PCNX1: variants seen among roughly 807,000 people sequenced by gnomAD.
PCNX1 encodes the protein pecanex-like protein 1.
A neutral mutation model predicts 242.2 loss-of-function variants in PCNX1; 78 were observed. The observed-to-expected ratio is 0.32, with a 90% confidence interval of 0.27 to 0.39. PCNX1 has a LOEUF of 0.39. Among genes scored for constraint, PCNX1 ranks in the 10% least tolerant of loss-of-function variants. The pLI is 1.00. For synonymous variants in PCNX1, 1,024 were observed against 1,032.9 expected (o/e 0.99, Z 0.17); for missense variants, 2,581 against 2,856.5 (o/e 0.90, Z 2.20).
Position 70,978,970 on chromosome 14 carries a change from A to G in PCNX1, c.2311+322A>G, listed in dbSNP as rs190721060. 1.3e-3 allele frequency among the ~76,000 whole-genome samples: 204 copies of G among 152,296 alleles called. 1 individual carries two copies. Among genetic ancestry groups the G allele is most frequent in the Non-Finnish European group, 9.4e-4 (64 of 68,024 alleles). On this transcript the variant is annotated intron_variant, in intron 6 of 35. Coordinates refer to ENST00000304743, the MANE Select transcript of PCNX1 (RefSeq NM_014982.3). ...ATTAGCCCTCTTCCTTTGTATAGCAATAGCAACAATAAAATATATAATTAT... is the reference window on the plus strand; with the variant it reads ...ATTAGCCCTCTTCCTTTGTATAGCAGTAGCAACAATAAAATATATAATTAT...
intron 26 of PCNX1, among the ~76,000 whole-genome samples, chr14:71,061,507 C>T (rs1042754300): frequency 5.9e-5 from 9 of 152,166 alleles, no homozygotes; most frequent in Non-Finnish European, 7.3e-5. Context: ...CTGATCCAAC[C>T]AATGGATCAA....
At chr14:70,984,750 A>C (rs1267747312) in intron 6 of PCNX1, among the ~76,000 whole-genome samples, 2 of 151,982 alleles carry the variant, frequency 1.3e-5, no homozygotes, top group African/African-American at 2.4e-5. Context: ...AATTTTTGAG[A>C]TAGAATTTGG....
At position 71,013,015 on chromosome 14, in the gene PCNX1, C is replaced by G; in HGVS notation, c.2809C>G (p.Leu937Val). ...LSLPQIRLNR[L>V]LTIDTDLLEQ... is the part of the protein sequence containing the mutation. ...TCTCCCACAGATTCGATTGAATAGA[C>G]TATTGACCATTGATACAGATTTGTT... The change falls in exon 11 of 36, where the codon CTA (leucine) becomes GTA (valine). Residue 937 changes from leucine (L) to valine (V), a missense_variant. Leu to Val is a conservative substitution (Grantham distance 32). Coordinates refer to ENST00000304743, the MANE Select transcript of PCNX1 (RefSeq NM_014982.3). 1 of 1,613,878 alleles carries G rather than the reference C, an allele frequency of 6.2e-7. No individual in the cohort carries two copies. Among genetic ancestry groups the G allele is most frequent in the African/African-American group, 1.3e-5 (1 of 75,028 alleles).
At chr14:70,914,572 C>CT (rs1447169814) in intron 1 of PCNX1, among the ~76,000 whole-genome samples, 1 of 152,028 alleles carries the variant, frequency 6.6e-6, no homozygotes, top group East Asian at 1.9e-4. Context: ...AGGTAATTTG[C>CT]TTTCTCTAGC....
chr14:71,071,814 G>T (rs887763737), intron 26 of PCNX1, among the ~76,000 whole-genome samples: 1 of 152,170 alleles, frequency 6.6e-6, no homozygotes, highest in Non-Finnish European at 1.5e-5. Context: ...TTGATTTGAA[G>T]TGAGACATGC....
rs117014204 is a variant in PCNX1 at position 71,027,188 on chromosome 14, A to G, written c.3466+306A>G. On this transcript the variant is annotated intron_variant, in intron 15 of 35. Transcript: ENST00000304743. ...GCCTACATATACTTAAGAGGTATTC[A>G]TAAAAGATCATCTATCCTGAGTAGA... The G allele has an allele frequency of 9.6e-3, 2,015 of 209,438 alleles. 13 individuals carry two copies. The highest frequency in any genetic ancestry group is 0.012 in the Non-Finnish European group (1,312 of 105,018). 13.0% of individuals were successfully genotyped at this position (209,438 alleles called of 1,614,324 possible).
At chr14:71,000,466 G>A (rs1355706375) in intron 8 of PCNX1, among the ~76,000 whole-genome samples, 3 of 149,890 alleles carry the variant, frequency 2.0e-5, no homozygotes, top group Non-Finnish European at 3.0e-5. Context: ...TTTGAGTTTT[G>A]TATCTTGCTT....
At chr14:70,968,300 A>G (rs2058441452) in intron 4 of PCNX1, 57 bp downstream of exon 4, 4 of 1,195,952 alleles carry the variant, frequency 3.3e-6, no homozygotes, top group Non-Finnish European at 5.0e-6. Context: ...TTTGGTTGTA[A>G]TGAAGATAAC....
intron 11 of PCNX1, among the ~76,000 whole-genome samples, chr14:71,015,746 G>A (rs947479822): frequency 6.6e-6 from 1 of 152,112 alleles, no homozygotes; most frequent in Non-Finnish European, 1.5e-5. Context: ...AAAAATTACT[G>A]TTAATCAATA....
intron 26 of PCNX1, among the ~76,000 whole-genome samples, chr14:71,060,126 A>G (rs959220080): frequency 2.6e-5 from 4 of 152,216 alleles, no homozygotes; most frequent in African/African-American, 9.6e-5. Context: ...GACTGCACAT[A>G]TCACAATGGT....
intron 1 of PCNX1, among the ~76,000 whole-genome samples, chr14:70,926,616 G>C (rs543088903): frequency 1.4e-4 from 21 of 152,108 alleles, no homozygotes; most frequent in African/African-American, 4.8e-4. Context: ...ACATGACAGC[G>C]CCCCACACCA....
At position 71,112,858 on chromosome 14, in the gene PCNX1, C is replaced by G. The variant is rs1434031509; in HGVS notation, c.*2923C>G. 2 of 152,092 alleles carry G rather than the reference C, an allele frequency of 1.3e-5. No individual in the cohort carries two copies. Among genetic ancestry groups the G allele is most frequent in the Non-Finnish European group, 2.9e-5 (2 of 67,990 alleles). The allele number at this position is 152,092 out of a possible 1,614,324, so 9.4% of individuals were successfully genotyped here. On this transcript the variant is annotated 3_prime_UTR_variant, in exon 36 of 36. Transcript: ENST00000304743. ...GCTTTTTCTTGTTTAATTCTTCCGC[C>G]ACCCCCTCTTTTGAGAGAAAGGTAA...
chr14:71,013,025 T>G lies in PCNX1; in HGVS notation c.2819T>G (p.Ile940Ser). 1.9e-6 allele frequency: 3 copies of G among 1,614,148 alleles called. No individual in the cohort carries two copies. Among genetic ancestry groups the G allele is most frequent in the Non-Finnish European group, 2.5e-6 (3 of 1,179,982 alleles). ...ATTCGATTGAATAGACTATTGACCA[T>G]TGATACAGATTTGTTGGAGCAACAG... ...PQIRLNRLLTIDTDLLEQQDI... is the reference protein window; with the variant it reads ...PQIRLNRLLTSDTDLLEQQDI... The change falls in exon 11 of 36, where the codon ATT (isoleucine) becomes AGT (serine). Residue 940 changes from isoleucine (I) to serine (S), a missense_variant. Physicochemically the swap from Ile to Ser is moderately radical, Grantham distance 142. This residue lies in a region of PCNX1 where 1,204 missense variants were observed against 1,216.7 expected (regional missense o/e 0.99). Transcript: ENST00000304743.
chr14:71,057,320 A>G (rs1041551196), intron 25 of PCNX1, among the ~76,000 whole-genome samples, 189 bp from the exon 26 acceptor site: 3 of 152,220 alleles, frequency 2.0e-5, no homozygotes, highest in African/African-American at 7.2e-5. Flanking sequence ...TGTGACTTCT[A>G]AATCTAAATT....
At chr14:71,047,699 A>G in intron 21 of PCNX1, 108 bp from the exon 22 acceptor site, 1 of 847,048 alleles carries the variant, frequency 1.2e-6, no homozygotes, top group East Asian at 2.6e-5. Context: ...CTTACATTTA[A>G]TGTATATATT....
intron 33 of PCNX1, among the ~76,000 whole-genome samples, chr14:71,108,094 ACCT>A (rs1392259937): frequency 6.6e-6 from 1 of 151,656 alleles, no homozygotes; most frequent in Non-Finnish European, 1.5e-5. Flanking sequence ...TTTGACCAAC[ACCT>A]CCTCTTCCCC....
At chr14:71,048,222 C>T (rs1228618465) in intron 22 of PCNX1, among the ~76,000 whole-genome samples, 3 of 152,002 alleles carry the variant, frequency 2.0e-5, no homozygotes, top group Non-Finnish European at 4.4e-5. Context: ...ATTAGAGAAA[C>T]ATTAATAAGT....
chr14:70,943,779 T>C (rs528743867), intron 1 of PCNX1, among the ~76,000 whole-genome samples: 2 of 4,656 alleles, frequency 4.3e-4, no homozygotes, highest in East Asian at 6.0e-3. Flanking sequence ...AAATGGTTTC[T>C]TGGGCGAGGC....
chr14:70,983,644 T>G lies in PCNX1; in HGVS notation c.2312-4923T>G, dbSNP rs539350145. Reference sequence around the variant, plus strand: ...TTACTGTTTGCTCTGGTTCCTTGGCTTGTCAAAAAGTAGGCCAGTCCTTTA... The same window carrying G: ...TTACTGTTTGCTCTGGTTCCTTGGCGTGTCAAAAAGTAGGCCAGTCCTTTA... On this transcript the variant is annotated intron_variant, in intron 6 of 35. Transcript: ENST00000304743. 1.3e-3 allele frequency among the ~76,000 whole-genome samples: 203 copies of G among 150,520 alleles called. 10 individuals are homozygous for G. Among genetic ancestry groups the G allele is most frequent in the Non-Finnish European group, 2.5e-3 (170 of 66,888 alleles).
Sources: allele counts gnomAD v4.1 joint callset (sites outside exome capture counted in the v4.1 genomes callset), GRCh38; gene constraint gnomAD v4.1.1; regional missense constraint gnomAD v4.1.1; transcripts MANE v1.5; gene names NCBI Gene and HGNC (gene_info 2026-07-23, HGNC 2026-07-21).